The following NPIPB15 variants were observed in gnomAD, a reference collection of about 807,000 sequenced individuals.
NPIPB15 encodes nuclear pore complex-interacting protein family member B15.
In NPIPB15, 5 loss-of-function variants were observed where a neutral mutation model predicts 35.9. The ratio of observed to expected loss-of-function variants is 0.14; its 90% CI spans 0.07 to 0.29. The LOEUF (loss-of-function observed/expected upper bound fraction) is 0.29. Ranked by LOEUF, NPIPB15 falls within the 10% of genes least tolerant of loss-of-function variation. The pLI is 1.00. For synonymous variants in NPIPB15, 43 were observed against 182.0 expected (o/e 0.24, Z 6.15); for missense variants, 100 against 506.1 (o/e 0.20, Z 7.70).
At chr16:74,384,010 AC>A (rs1424674569) in intron 3 of NPIPB15, among the ~76,000 whole-genome samples, 1 of 138,870 alleles carries the variant, frequency 7.2e-6, no homozygotes, top group Non-Finnish European at 1.5e-5. Context: ...TATGATGAGA[AC>A]AAATATTTAA....
chr16:74,379,221 A>C (rs1186951913), intron 2 of NPIPB15, among the ~76,000 whole-genome samples: 5 of 152,208 alleles, frequency 3.3e-5, no homozygotes, highest in African/African-American at 1.2e-4. Flanking sequence ...ATGCCATGCC[A>C]TAGGTACTCT....
chr16:74,380,468 GCATGTGGCC>G (rs1297135086), intron 2 of NPIPB15, among the ~76,000 whole-genome samples: 1 of 149,372 alleles, frequency 6.7e-6, no homozygotes, highest in African/African-American at 2.5e-5. Flanking sequence ...GTGACGGGCT[GCATGTGGCC>G]CAGGACAGTT....
chr16:74,382,188 C>CT (rs1323527248), intron 3 of NPIPB15, among the ~76,000 whole-genome samples: 1 of 90,940 alleles, frequency 1.1e-5, no homozygotes, highest in African/African-American at 4.5e-5. Flanking sequence ...ATGGTTGATG[C>CT]TTAAAGAGCA....
chr16:74,379,849 A>G (rs2011888281), intron 2 of NPIPB15, among the ~76,000 whole-genome samples: 1 of 152,038 alleles, frequency 6.6e-6, no homozygotes, highest in Admixed American at 6.6e-5. Flanking sequence ...CGGCTTCCCA[A>G]AGTGCTGGGA....
chr16:74,384,912 C>T (rs1464783033), intron 3 of NPIPB15, among the ~76,000 whole-genome samples: 1 of 151,194 alleles, frequency 6.6e-6, no homozygotes, highest in African/African-American at 2.4e-5. Flanking sequence ...AACTCCCGAC[C>T]TCAGGTGATC....
chr16:74,389,967 T>A, intron 6 of NPIPB15, 28 bp from the exon 7 acceptor site: 1 of 1,596,236 alleles, frequency 6.3e-7, no homozygotes, highest in East Asian at 2.2e-5. Context: ...CTCTCAACAT[T>A]CAATTTCTCA....
At chr16:74,382,440 G>A (rs2012039257) in intron 3 of NPIPB15, among the ~76,000 whole-genome samples, 1 of 151,744 alleles carries the variant, frequency 6.6e-6, no homozygotes, top group Non-Finnish European at 1.5e-5. Context: ...GAGAATCAAT[G>A]AAAAGTGTGT....
intron 2 of NPIPB15, among the ~76,000 whole-genome samples, chr16:74,379,578 C>T (rs1224197524): frequency 1.4e-5 from 2 of 145,886 alleles, no homozygotes; most frequent in Non-Finnish European, 3.0e-5. Context: ...TGATCTCCAC[C>T]TTGGTAATTT....
At chr16:74,384,871 G>A (rs1372629865) in intron 3 of NPIPB15, among the ~76,000 whole-genome samples, 2 of 151,626 alleles carry the variant, frequency 1.3e-5, no homozygotes, top group Non-Finnish European at 2.9e-5. Flanking sequence ...AGCAGAGACA[G>A]CATTTCTCCA....
At chr16:74,381,158 A>C (rs74937352) in intron 2 of NPIPB15, among the ~76,000 whole-genome samples, 1 of 148,770 alleles carries the variant, frequency 6.7e-6, no homozygotes, top group Non-Finnish European at 1.5e-5. Flanking sequence ...CAAAAAAAAA[A>C]AAAAAGAGTT....
rs762141292 is a variant in NPIPB15 at position 74,381,685 on chromosome 16, C to A, written c.236C>A (p.Thr79Lys). Residue 79 changes from threonine (T) to lysine (K), a missense_variant, in exon 3 of 8, where the codon ACA becomes AAA. Thr to Lys is a moderately conservative substitution (Grantham distance 78). Transcript: ENST00000692376. ...RRDTFTILFC[T>K]SYLCVSFLKT... ...GACACATTTACCATTCTCTTCTGCA[C>A]AAGTTACCTTTGTGTGAGTATACTA... is the stretch of plus-strand genomic sequence containing the variant. 2 of 1,593,450 alleles carry A rather than the reference C, an allele frequency of 1.3e-6. No homozygotes were observed. The highest frequency in any genetic ancestry group is 3.4e-5 in the Admixed American group (2 of 59,000).
intron 3 of NPIPB15, among the ~76,000 whole-genome samples, 184 bp from the exon 4 acceptor site, chr16:74,385,158 C>T (rs1459389263): frequency 1.2e-4 from 18 of 148,520 alleles, no homozygotes; most frequent in African/African-American, 4.1e-4. Context: ...GGATTACAGG[C>T]GCCCGCTGCC....
intron 3 of NPIPB15, among the ~76,000 whole-genome samples, chr16:74,384,991 TTGTGTGTGTGTGTGTGTGTGTGTGTGTG>T (rs199888896): frequency 2.4e-3 from 226 of 93,510 alleles, no homozygotes; most frequent in African/African-American, 6.0e-3. Flanking sequence ...CATGTCATTC[TTGTGTGTGTGTGTGTGTGTGTGTGTGTG>T]TGTGTGTGTG....
intron 1 of NPIPB15, among the ~76,000 whole-genome samples, chr16:74,377,657 A>C (rs1470974871): frequency 6.6e-6 from 1 of 151,638 alleles, no homozygotes; most frequent in African/African-American, 2.4e-5. Context: ...TAAACCTTCC[A>C]CCAGCGCTTG....
chr16:74,379,894 G>T (rs1206413512), intron 2 of NPIPB15, among the ~76,000 whole-genome samples: 1 of 151,088 alleles, frequency 6.6e-6, no homozygotes, highest in Non-Finnish European at 1.5e-5. Flanking sequence ...GGCCCACCTT[G>T]TTAATTTTTA....
chr16:74,388,365 G>T, intron 5 of NPIPB15: 1 of 906,846 alleles, frequency 1.1e-6, no homozygotes, highest in Non-Finnish European at 1.3e-6. Flanking sequence ...GAACTAAAAT[G>T]ATCTTTCGCT....
intron 2 of NPIPB15, among the ~76,000 whole-genome samples, chr16:74,379,585 ATT>A (rs547124371): frequency 0.018 from 2,182 of 123,626 alleles, 8 homozygotes; most frequent in African/African-American, 0.045. Flanking sequence ...CACCTTGGTA[ATT>A]TTTTTTTTTT....
At chr16:74,387,710 C>T (rs1445480840) in intron 5 of NPIPB15, among the ~76,000 whole-genome samples, 1 of 152,018 alleles carries the variant, frequency 6.6e-6, no homozygotes, top group African/African-American at 2.4e-5. Context: ...CCACACCACA[C>T]ACTCCTTGTT....
At chr16:74,379,230 C>T (rs1207506553) in intron 2 of NPIPB15, among the ~76,000 whole-genome samples, 2 of 152,318 alleles carry the variant, frequency 1.3e-5, no homozygotes, top group South Asian at 4.1e-4. Flanking sequence ...CATAGGTACT[C>T]TTTTGTGTCT....
Sources: gnomAD v4.1 joint callset for allele counts (sites outside exome capture counted in the v4.1 genomes callset) on GRCh38, gnomAD v4.1.1 for gene constraint, MANE v1.5 for transcripts, NCBI Gene and HGNC (gene_info 2026-07-23, HGNC 2026-07-21) for gene names.